Variants in ANKRD24 observed in about 807,000 individuals in gnomAD.
ANKRD24 encodes the protein ankyrin repeat domain 24.
ANKRD24 carries 109 observed loss-of-function variants against 127.8 expected under a neutral mutation model. The ratio of observed to expected loss-of-function variants is 0.85; its 90% confidence interval spans 0.73 to 1.00. The LOEUF is 1.00. Ranked by LOEUF, ANKRD24 falls within the 50% of genes least tolerant of loss-of-function variation. ANKRD24 has a pLI of 0.00. For synonymous variants in ANKRD24, 743 were observed against 671.1 expected (o/e 1.11, Z -1.66); for missense variants, 1,648 against 1,570.2 (o/e 1.05, Z -0.84).
At chr19:4,190,763 G>A (rs1433706192) in intron 2 of ANKRD24, among the ~76,000 whole-genome samples, 1 of 152,142 alleles carries the variant, frequency 6.6e-6, no homozygotes, top group Non-Finnish European at 1.5e-5. Context: ...AAATCCATGT[G>A]TAAGTGGACC....
At position 4,194,229 on chromosome 19, in the gene ANKRD24, T is replaced by C. The variant is rs552311337; in HGVS notation, c.37-5454T>C. On this transcript the variant is annotated intron_variant, in intron 2 of 21. Transcript: ENST00000318934. ...CCAGGCTGGAGTGCTCTCAGGTTAC[T>C]GCAACCTCAGCCTCCCACTTTCAAG... Among the ~76,000 whole-genome samples, 27 of 152,242 alleles carry C rather than the reference T, an allele frequency of 1.8e-4. No homozygotes were observed. The South Asian group carries it at 5.6e-3, about 32-fold the overall frequency.
At chr19:4,207,139 G>T in intron 7 of ANKRD24, 103 bp from the exon 8 acceptor site, 1 of 862,862 alleles carries the variant, frequency 1.2e-6, no homozygotes, top group Non-Finnish European at 1.9e-6. Context: ...GCCCAGGTTG[G>T]TCTCAAACTC....
chr19:4,219,031 A>G (rs1394281401), intron 18 of ANKRD24, among the ~76,000 whole-genome samples: 2 of 152,150 alleles, frequency 1.3e-5, no homozygotes, highest in African/African-American at 4.8e-5. Flanking sequence ...CACGCCTGTA[A>G]TCCCAGCACT....
rs1482339978 is a variant in ANKRD24, at chr19:4,198,605, G to A, written c.37-1078G>A. On this transcript the variant is annotated intron_variant, in intron 2 of 21. Transcript: ENST00000318934. This position sits in a 1 kb window ranked among gnomAD's most constrained non-coding sequence, Gnocchi z 6.1. The stretch of plus-strand genomic sequence containing the variant: ...CCTCTCCCCTCCCTTCCCCGTCCCC[G>A]GCTGACCTGGACCACCCCCCCATTC... The A allele has an allele frequency of 9.3e-6, 4 of 431,168 alleles. No individual in the cohort carries two copies. Among genetic ancestry groups the A allele is most frequent in the African/African-American group, 2.1e-5 (1 of 48,586 alleles). 26.7% of individuals were successfully genotyped at this position (431,168 alleles called of 1,614,324 possible). A position where few individuals can be genotyped will look rare whatever the true frequency, so the allele number is the denominator to read the frequency against.
rs1967797767 is a variant in ANKRD24 at position 4,182,749 on chromosome 19, G to C, written c.-37+9G>C. ...TGCCTCTTTGCATGCAGGTGTTTGC[G>C]GGGCTTGGGAAGGGGCTCCCCGATG... On this transcript the variant is annotated intron_variant, in intron 1 of 21. Coordinates refer to ENST00000318934, the MANE Select transcript of ANKRD24 (RefSeq NM_001393985.1). 2.2e-6 allele frequency: 3 copies of C among 1,393,380 alleles called. No homozygotes were observed. The highest frequency in any genetic ancestry group is 7.1e-5 in the Admixed American group (2 of 28,340). 86.3% of individuals were successfully genotyped at this position (1,393,380 alleles called of 1,614,324 possible).
chr19:4,216,329 A>G lies in ANKRD24; in HGVS notation c.1316A>G (p.Glu439Gly), dbSNP rs1259480137. The G allele has an allele frequency of 6.4e-7, 1 of 1,567,588 alleles. No homozygotes were observed. The highest frequency in any genetic ancestry group is 8.6e-7 in the Non-Finnish European group (1 of 1,156,404). ...AGACAACTCAGTCCGTCGGCCCAGG[A>G]ACACCTGGCCTCGCTGCAGGAACAG... is the stretch of plus-strand genomic sequence containing the variant. ...LSRQLSPSAQ[E>G]HLASLQEQVA... The change falls in exon 17 of 22, where the codon GAA becomes GGA. Residue 439 changes from glutamate (E) to glycine (G), a missense_variant. Transcript: ENST00000318934.
At chr19:4,206,258 C>T (rs1353575790) in intron 7 of ANKRD24, among the ~76,000 whole-genome samples, 3 of 151,162 alleles carry the variant, frequency 2.0e-5, no homozygotes, top group Non-Finnish European at 4.4e-5. Flanking sequence ...ACTTTGGGAG[C>T]CAGAGGCAGG....
In ANKRD24 at chr19:4,201,712, C is replaced by T. The variant is rs572801910; in HGVS notation, c.344-314C>T. Among the ~76,000 whole-genome samples, 188 of 152,134 alleles carry T rather than the reference C, an allele frequency of 1.2e-3. 1 individual carries two copies. Among genetic ancestry groups the T allele is most frequent in the Non-Finnish European group, 1.5e-3 (103 of 67,980 alleles). On this transcript the variant is annotated intron_variant, in intron 5 of 21. Transcript: ENST00000318934. ...GAGCTTGGGCAACATAGCAAGACTC[C>T]TGTCTCTACAGAAAATACAAATAAA...
At position 4,195,500 on chromosome 19, in the gene ANKRD24, A is replaced by C. The variant is rs1968674213; in HGVS notation, c.37-4183A>C. Among the ~76,000 whole-genome samples, 1 of 152,056 alleles carries C rather than the reference A, an allele frequency of 6.6e-6. No individual in the cohort carries two copies. The highest frequency in any genetic ancestry group is 6.6e-5 in the Admixed American group (1 of 15,264). On this transcript the variant is annotated intron_variant, in intron 2 of 21. Coordinates refer to ENST00000318934, the MANE Select transcript of ANKRD24 (RefSeq NM_001393985.1). This position sits in a 1 kb window ranked among gnomAD's most constrained non-coding sequence, Gnocchi z 4.2. ...AAGCTCAGAGGACCTCCCCACCCCC[A>C]AGGGTGGAAGGAGAGAAGAGTTCCA...
chr19:4,195,743 A>T lies in ANKRD24; in HGVS notation c.37-3940A>T, dbSNP rs559240156. On this transcript the variant is annotated intron_variant, in intron 2 of 21. Coordinates refer to ENST00000318934, the MANE Select transcript of ANKRD24 (RefSeq NM_001393985.1). This position sits in a 1 kb window ranked among gnomAD's most constrained non-coding sequence, Gnocchi z 4.2. The stretch of plus-strand genomic sequence containing the variant: ...AACCCCGTCTCTACTAAAATACAAA[A>T]ATTCGCTAGGCGTGGTGGCGTGTGC... Among the ~76,000 whole-genome samples the T allele has an allele frequency of 1.1e-4, 17 of 152,164 alleles. No individual in the cohort carries two copies. The highest frequency in any genetic ancestry group is 4.1e-4 in the African/African-American group (17 of 41,530).
Position 4,198,431 on chromosome 19 carries a change from C to T in ANKRD24, c.37-1252C>T. 1 of 593,266 alleles carries T rather than the reference C, an allele frequency of 1.7e-6. No individual in the cohort carries two copies. Among genetic ancestry groups the T allele is most frequent in the South Asian group, 1.9e-5 (1 of 53,644 alleles). 36.8% of individuals were successfully genotyped at this position (593,266 alleles called of 1,614,324 possible). ...GGCCGCTCCCCGCGGTCCCTCCAGA[C>T]CCTCTGGCCGCCGCCTCCTCTTGGA... On this transcript the variant is annotated intron_variant, in intron 2 of 21. Transcript: ENST00000318934. The surrounding 1 kb of genome is among the most constrained non-coding windows in gnomAD (Gnocchi z 6.1).
At chr19:4,187,419 G>GA (rs573288227) in intron 2 of ANKRD24, among the ~76,000 whole-genome samples, 5,730 of 138,258 alleles carry the variant, frequency 0.041, 153 homozygotes, top group South Asian at 0.1. Context: ...TCTCAAAAAA[G>GA]AAAAAAAAAA....
At position 4,211,569 on chromosome 19, in the gene ANKRD24, G is replaced by A. The variant is rs188468377; in HGVS notation, c.1060-906G>A. The stretch of plus-strand genomic sequence containing the variant: ...TGAGGCAGGAGAATTGCTTGAACCC[G>A]GGAGGCAGAGGTTGCAGTGAGCCAA... On this transcript the variant is annotated intron_variant, in intron 13 of 21. Transcript: ENST00000318934. Among the ~76,000 whole-genome samples, 226 of 151,872 alleles carry A rather than the reference G, an allele frequency of 1.5e-3. 1 individual carries two copies. Among genetic ancestry groups the A allele is most frequent in the Non-Finnish European group, 2.6e-3 (179 of 67,922 alleles).
At chr19:4,189,240 C>CTTT (rs1568311671) in intron 2 of ANKRD24, among the ~76,000 whole-genome samples, 2 of 94,062 alleles carry the variant, frequency 2.1e-5, no homozygotes, top group South Asian at 3.6e-4. Context: ...ATTTTTCTTT[C>CTTT]TTCTTTTTTT....
chr19:4,197,550 T>G (rs1968817297), intron 2 of ANKRD24, among the ~76,000 whole-genome samples: 1 of 143,484 alleles, frequency 7.0e-6, no homozygotes, highest in African/African-American at 2.5e-5. Context: ...AATGAATAAG[T>G]GAATGGGTCA....
Position 4,202,864 on chromosome 19 carries a change from C to T in ANKRD24, c.409-5C>T, listed in dbSNP as rs769200053. The T allele has an allele frequency of 1.3e-6, 2 of 1,587,400 alleles. No individual in the cohort carries two copies. Among genetic ancestry groups the T allele is most frequent in the East Asian group, 4.6e-5 (2 of 43,210 alleles). On this transcript the variant is annotated splice_region_variant and splice_polypyrimidine_tract_variant and intron_variant, in intron 6 of 21. Coordinates refer to ENST00000318934, the MANE Select transcript of ANKRD24 (RefSeq NM_001393985.1). ...TCCGCCTCAAAGGACTCGCCCCATCCCCAGGCTTCCTGCGTGGTGGACGTC... is the reference window on the plus strand; with the variant it reads ...TCCGCCTCAAAGGACTCGCCCCATCTCCAGGCTTCCTGCGTGGTGGACGTC...
intron 13 of ANKRD24, among the ~76,000 whole-genome samples, chr19:4,210,951 A>G (rs1026629890): frequency 6.6e-6 from 1 of 151,898 alleles, no homozygotes; most frequent in African/African-American, 2.4e-5. Flanking sequence ...CTCCTGCCTC[A>G]GTCTCCCAAG....
chr19:4,199,051 G>A lies in ANKRD24; in HGVS notation c.37-632G>A, dbSNP rs1968935164. ...CTATAGTGTTGAGGGGAGAAGCCTC[G>A]GGATGTTTAGGGGACAGTGGTGGCA... On this transcript the variant is annotated intron_variant, in intron 2 of 21. Coordinates refer to ENST00000318934, the MANE Select transcript of ANKRD24 (RefSeq NM_001393985.1). The surrounding 1 kb of genome is among the most constrained non-coding windows in gnomAD (Gnocchi z 5.2). Among the ~76,000 whole-genome samples the A allele has an allele frequency of 6.6e-6, 1 of 152,028 alleles. No homozygotes were observed. The highest frequency in any genetic ancestry group is 2.4e-5 in the African/African-American group (1 of 41,398).
intron 2 of ANKRD24, among the ~76,000 whole-genome samples, chr19:4,189,246 T>C (rs865892410): frequency 2.2e-5 from 3 of 136,486 alleles, no homozygotes; most frequent in African/African-American, 8.2e-5. Context: ...CTTTCTTCTT[T>C]TTTTTTTTTT....
Sources: allele counts gnomAD v4.1 joint callset (sites outside exome capture counted in the v4.1 genomes callset), GRCh38; gene constraint gnomAD v4.1.1; non-coding constraint Gnocchi (gnomAD v3.1); transcripts MANE v1.5; gene names NCBI Gene and HGNC (gene_info 2026-07-23, HGNC 2026-07-21).